CNTNAP2: variants seen among roughly 807,000 people sequenced by gnomAD.
The protein encoded by CNTNAP2 is contactin associated protein 2.
CNTNAP2 carries 98 observed loss-of-function variants against 155.2 expected under a neutral mutation model. The observed-to-expected ratio is 0.63, with a 90% CI of 0.54 to 0.75. The LOEUF (loss-of-function observed/expected upper bound fraction) is 0.75, where lower values mean the gene tolerates loss of function less well. Ranked by LOEUF, CNTNAP2 falls within the 30% of genes least tolerant of loss-of-function variation. CNTNAP2 has a pLI of 0.00. For missense variants in CNTNAP2, 1,727 were observed against 1,688.1 expected, an observed-to-expected ratio of 1.02 and a Z score of -0.40; for synonymous variants, 651 against 631.2, an observed-to-expected ratio of 1.03 and a Z score of -0.47.
At chr7:146,862,357 G>T (rs147677538) in intron 3 of CNTNAP2, among the ~76,000 whole-genome samples, 2 of 152,020 alleles carry the variant, frequency 1.3e-5, no homozygotes, top group African/African-American at 4.8e-5. Context: ...AAAAAGTGTA[G>T]TTTTGGCAAC....
intron 3 of CNTNAP2, among the ~76,000 whole-genome samples, chr7:146,921,125 A>G (rs1796489779): frequency 6.6e-6 from 1 of 152,172 alleles, no homozygotes; most frequent in Admixed American, 6.5e-5. Flanking sequence ...TTCCTGGGGC[A>G]TGCAGCAGCA....
chr7:146,888,267 A>G (rs1466213918), intron 3 of CNTNAP2, among the ~76,000 whole-genome samples: 1 of 152,164 alleles, frequency 6.6e-6, no homozygotes, highest in Non-Finnish European at 1.5e-5. Context: ...TCTGAATAGT[A>G]GAACTCGTGT....
chr7:147,688,351 T>A (rs13437974), intron 13 of CNTNAP2, among the ~76,000 whole-genome samples: 17,948 of 152,050 alleles, frequency 0.12, 1,475 homozygotes, highest in African/African-American at 0.23. Context: ...CAACAAAACC[T>A]CTAAAACTCT....
intron 9 of CNTNAP2, among the ~76,000 whole-genome samples, chr7:147,322,481 T>C (rs1795370737): frequency 6.6e-6 from 1 of 152,296 alleles, no homozygotes; most frequent in Non-Finnish European, 1.5e-5. Context: ...TACGGCTGTT[T>C]AACCTAAGGA....
chr7:146,645,066 A>G (rs1799788043), intron 1 of CNTNAP2, among the ~76,000 whole-genome samples: 1 of 152,200 alleles, frequency 6.6e-6, no homozygotes, highest in Non-Finnish European at 1.5e-5. Context: ...TTTAAAAAGA[A>G]ATTCAAAAAA....
intron 13 of CNTNAP2, among the ~76,000 whole-genome samples, chr7:147,871,944 G>T (rs1328803863): frequency 6.6e-6 from 1 of 152,074 alleles, no homozygotes; most frequent in Non-Finnish European, 1.5e-5. Context: ...ATGCTCCTGG[G>T]TAATGCTTTT....
At chr7:147,678,527 C>T (rs1252769325) in intron 13 of CNTNAP2, among the ~76,000 whole-genome samples, 2 of 151,862 alleles carry the variant, frequency 1.3e-5, no homozygotes. Context: ...AGAATGAAGA[C>T]TTCTAACTTT....
intron 1 of CNTNAP2, among the ~76,000 whole-genome samples, chr7:146,652,435 G>A (rs1476882793): frequency 2.6e-5 from 4 of 152,132 alleles, no homozygotes; most frequent in South Asian, 2.1e-4. Flanking sequence ...ATTGCTTAAT[G>A]TGTAAATTCC....
At chr7:147,793,867 T>C (rs997665265) in intron 13 of CNTNAP2, among the ~76,000 whole-genome samples, 2 of 152,060 alleles carry the variant, frequency 1.3e-5, no homozygotes, top group Non-Finnish European at 2.9e-5. Context: ...TTTTAAAGTA[T>C]AGGTTTGTGC....
intron 1 of CNTNAP2, among the ~76,000 whole-genome samples, chr7:146,258,812 A>G (rs1342879943): frequency 6.6e-6 from 1 of 152,162 alleles, no homozygotes; most frequent in Non-Finnish European, 1.5e-5. Context: ...ATCTGAGATA[A>G]TGTTTGGTTG....
intron 9 of CNTNAP2, among the ~76,000 whole-genome samples, chr7:147,321,057 G>C (rs186504943): frequency 6.6e-6 from 1 of 152,258 alleles, no homozygotes; most frequent in African/African-American, 2.4e-5. Flanking sequence ...CTAAACATCT[G>C]TTCTTGACAT....
At chr7:148,355,906 A>G (rs937427504) in intron 21 of CNTNAP2, among the ~76,000 whole-genome samples, 2 of 152,218 alleles carry the variant, frequency 1.3e-5, no homozygotes, top group Non-Finnish European at 2.9e-5. Flanking sequence ...GGTGTCTGAG[A>G]GCCAGCGCTG....
chr7:146,441,587 G>T, intron 1 of CNTNAP2, among the ~76,000 whole-genome samples: 1 of 151,410 alleles, frequency 6.6e-6, no homozygotes, highest in East Asian at 1.9e-4. Flanking sequence ...CCTAAACCTG[G>T]CATGCATTTC....
intron 1 of CNTNAP2, among the ~76,000 whole-genome samples, chr7:146,371,454 C>T (rs893783536): frequency 1.3e-4 from 19 of 147,920 alleles, no homozygotes; most frequent in African/African-American, 3.5e-4. Context: ...CTGCAAGCTC[C>T]GCCTCCCGGG....
At chr7:146,769,093 A>G (rs1802249286) in intron 1 of CNTNAP2, among the ~76,000 whole-genome samples, 1 of 152,158 alleles carries the variant, frequency 6.6e-6, no homozygotes, top group Admixed American at 6.5e-5. Flanking sequence ...TTCATGATTG[A>G]CTGAAATTGT....
intron 8 of CNTNAP2, among the ~76,000 whole-genome samples, chr7:147,242,235 T>G (rs934840046): frequency 6.6e-6 from 1 of 152,242 alleles, no homozygotes; most frequent in Non-Finnish European, 1.5e-5. Flanking sequence ...AAATGCTTAT[T>G]ACCTCAGTAT....
At chr7:147,430,812 C>T (rs544513425) in intron 10 of CNTNAP2, among the ~76,000 whole-genome samples, 3 of 152,128 alleles carry the variant, frequency 2.0e-5, no homozygotes, top group African/African-American at 4.8e-5. Context: ...CACCTGTAAC[C>T]GCAGCACTTT....
intron 6 of CNTNAP2, among the ~76,000 whole-genome samples, chr7:147,127,925 T>C (rs1191010074): frequency 6.6e-6 from 1 of 152,164 alleles, no homozygotes; most frequent in Middle Eastern, 3.2e-3. Context: ...ACCATGCAAA[T>C]ACTAAATGCA....
rs114736384 is a variant in CNTNAP2 at position 147,079,360 on chromosome 7, T to C, written c.551-28787T>C. Among the ~76,000 whole-genome samples, 842 of 152,076 alleles carry C rather than the reference T, an allele frequency of 5.5e-3. 13 individuals are homozygous for C. The highest frequency in any genetic ancestry group is 0.019 in the African/African-American group (794 of 41,474). On this transcript the variant is annotated intron_variant, in intron 4 of 23. Coordinates refer to ENST00000361727, the MANE Select transcript of CNTNAP2 (RefSeq NM_014141.6). ...ACCACACCACGGCCTGACAGAGCTG[T>C]CTTCATCCCACCGTTAGTGGGACAT...
Sources: allele counts gnomAD v4.1 joint callset (sites outside exome capture counted in the v4.1 genomes callset), GRCh38; gene constraint gnomAD v4.1.1; transcripts MANE v1.5; gene names NCBI Gene and HGNC (gene_info 2026-07-23, HGNC 2026-07-21).